Variants in ADCY2 observed in about 807,000 individuals in gnomAD.
ADCY2 encodes the protein adenylate cyclase 2, also known as adenylate cyclase type 2.
In ADCY2, 31 loss-of-function variants were observed where a neutral mutation model predicts 125.2. That is an observed-to-expected ratio of 0.25 (90% CI 0.19 to 0.33). The LOEUF (loss-of-function observed/expected upper bound fraction) is 0.33. Ranked by LOEUF, ADCY2 falls within the 10% of genes least tolerant of loss-of-function variation. The pLI, the probability that ADCY2 is intolerant of heterozygous loss-of-function variation, is 1.00. For synonymous variants in ADCY2, 512 were observed against 548.4 expected (o/e 0.93, Z 0.93); for missense variants, 904 against 1,418.2 (o/e 0.64, Z 5.82).
intron 20 of ADCY2, chr5:7,794,288 G>C (rs1302388645): frequency 6.6e-6 from 1 of 152,158 alleles, no homozygotes; most frequent in Non-Finnish European, 1.5e-5. Context: ...GAGCAATGGG[G>C]GTGATGGCTA....
chr5:7,774,786 T>C (rs768503945), intron 18 of ADCY2, among the ~76,000 whole-genome samples: 9 of 152,198 alleles, frequency 5.9e-5, no homozygotes, highest in Non-Finnish European at 1.3e-4. Context: ...TGCCTTCACT[T>C]CCATCAGTAA....
chr5:7,516,512 G>C (rs1251817311), intron 2 of ADCY2, among the ~76,000 whole-genome samples: 2 of 152,142 alleles, frequency 1.3e-5, no homozygotes, highest in African/African-American at 2.4e-5. Flanking sequence ...TCTGGGTCTG[G>C]GGACCCAGAA....
intron 9 of ADCY2, among the ~76,000 whole-genome samples, chr5:7,708,316 G>A (rs893874221): frequency 1.3e-5 from 2 of 152,178 alleles, no homozygotes; most frequent in East Asian, 3.9e-4. Context: ...ACATGCTTGC[G>A]AGATTGTCTG....
rs1436540628 is a variant in ADCY2, at chr5:7,789,782, C to T, written c.2610C>T (p.Ala870=). Reference sequence around the variant, plus strand: ...CGCACGTGGCTGAGCACTTCCTGGCCAGGAGCCTGAAGAATGAGGTCAGAC... The same window carrying T: ...CGCACGTGGCTGAGCACTTCCTGGCTAGGAGCCTGAAGAATGAGGTCAGAC... ...LPAHVAEHFL[A]RSLKNEELYH... Residue 870 remains alanine (A), a synonymous_variant, in exon 20 of 25, where the codon GCC becomes GCT. Transcript: ENST00000338316. 2 of 1,595,804 alleles carry T rather than the reference C, an allele frequency of 1.3e-6. No individual in the cohort carries two copies. The highest frequency in any genetic ancestry group is 1.7e-6 in the Non-Finnish European group (2 of 1,174,628).
chr5:7,637,579 A>G (rs946395984), intron 4 of ADCY2, among the ~76,000 whole-genome samples: 2 of 152,202 alleles, frequency 1.3e-5, no homozygotes, highest in African/African-American at 4.8e-5. Context: ...GTTTTAATCC[A>G]AATAGAAACA....
intron 14 of ADCY2, 85 bp from the exon 15 acceptor site, chr5:7,743,583 C>T (rs1208519187): frequency 3.1e-6 from 4 of 1,280,246 alleles, no homozygotes; most frequent in Non-Finnish European, 3.4e-6. Flanking sequence ...ATAAAGTCCT[C>T]GTTAACCCAA....
At chr5:7,642,544 A>G (rs1352685975) in intron 4 of ADCY2, among the ~76,000 whole-genome samples, 1 of 152,058 alleles carries the variant, frequency 6.6e-6, no homozygotes, top group African/African-American at 2.4e-5. Context: ...CCCACTTGTC[A>G]GTTTTTGTTT....
chr5:7,763,052 TTTGTTTG>T (rs1743277315), intron 16 of ADCY2, among the ~76,000 whole-genome samples: 1 of 108,078 alleles, frequency 9.3e-6, no homozygotes, highest in African/African-American at 3.1e-5. Context: ...CTTTGTTTTT[TTTGTTTG>T]TTTGTTTGTT....
intron 4 of ADCY2, among the ~76,000 whole-genome samples, chr5:7,637,431 C>CAAAAA (rs71591740): frequency 2.7e-5 from 2 of 74,584 alleles, no homozygotes; most frequent in African/African-American, 4.3e-5. Flanking sequence ...GACTCCGTCT[C>CAAAAA]AAAAAAAAAA....
chr5:7,637,598 G>T (rs1738556476), intron 4 of ADCY2, among the ~76,000 whole-genome samples: 3 of 152,164 alleles, frequency 2.0e-5, no homozygotes, highest in African/African-American at 7.2e-5. Context: ...CAAAGGAAAA[G>T]TTATTTTAAA....
chr5:7,445,379 C>G (rs1310837996), intron 2 of ADCY2, among the ~76,000 whole-genome samples: 1 of 152,200 alleles, frequency 6.6e-6, no homozygotes, highest in African/African-American at 2.4e-5. Flanking sequence ...GTCATTTCAT[C>G]GATTTCATTT....
chr5:7,825,917 TC>T (rs1402679944), intron 24 of ADCY2, among the ~76,000 whole-genome samples: 2 of 152,218 alleles, frequency 1.3e-5, no homozygotes, highest in Admixed American at 6.5e-5. Context: ...TTCACGGCCA[TC>T]CGACCTGCAG....
chr5:7,757,415 C>G, intron 15 of ADCY2, 34 bp from the exon 16 acceptor site: 1 of 1,605,554 alleles, frequency 6.2e-7, no homozygotes, highest in Non-Finnish European at 8.5e-7. Flanking sequence ...CATCAGCTAG[C>G]AATGCTTCTC....
At chr5:7,406,313 A>G (rs1040387198) in intron 1 of ADCY2, among the ~76,000 whole-genome samples, 6 of 152,216 alleles carry the variant, frequency 3.9e-5, no homozygotes, top group Non-Finnish European at 5.9e-5. Context: ...TCTTTTCTCC[A>G]TCAAGCCTGG....
intron 3 of ADCY2, among the ~76,000 whole-genome samples, chr5:7,592,513 TC>T (rs931151119): frequency 6.0e-4 from 91 of 152,074 alleles, no homozygotes; most frequent in African/African-American, 2.1e-3. Context: ...CAGTGCCCAT[TC>T]TTTCCTACCT....
intron 3 of ADCY2, among the ~76,000 whole-genome samples, chr5:7,535,331 A>T (rs1215072945): frequency 2.6e-5 from 4 of 152,186 alleles, no homozygotes; most frequent in Non-Finnish European, 4.4e-5. Flanking sequence ...TAACAGTTTT[A>T]TTTGCAGTGA....
At chr5:7,430,719 CA>C (rs1364119452) in intron 2 of ADCY2, among the ~76,000 whole-genome samples, 3 of 151,568 alleles carry the variant, frequency 2.0e-5, no homozygotes, top group Non-Finnish European at 4.4e-5. Context: ...CAGCAGATGC[CA>C]AAAAGGCTTT....
At chr5:7,724,824 C>G (rs1430561224) in intron 13 of ADCY2, among the ~76,000 whole-genome samples, 3 of 152,072 alleles carry the variant, frequency 2.0e-5, no homozygotes, top group Non-Finnish European at 4.4e-5. Context: ...AGTTACCATT[C>G]TCAACCCTCT....
chr5:7,426,753 C>G (rs971374451), intron 2 of ADCY2, among the ~76,000 whole-genome samples: 2 of 152,124 alleles, frequency 1.3e-5, no homozygotes, highest in Non-Finnish European at 1.5e-5. Flanking sequence ...GGGTCTCCCC[C>G]AGGAGATCTA....
Sources: gnomAD v4.1 joint callset for allele counts (sites outside exome capture counted in the v4.1 genomes callset) on GRCh38, gnomAD v4.1.1 for gene constraint, MANE v1.5 for transcripts, NCBI Gene and HGNC (gene_info 2026-07-23, HGNC 2026-07-21) for gene names.